Variants in MCM4 observed in about 807,000 individuals in gnomAD.
MCM4 encodes the protein DNA replication licensing factor MCM4.
In MCM4, 60 loss-of-function variants were observed where a neutral mutation model predicts 88.7. The ratio of observed to expected loss-of-function variants is 0.68; its 90% CI spans 0.55 to 0.84. MCM4 has a LOEUF of 0.84. Among genes scored for constraint, MCM4 ranks in the 40% least tolerant of loss-of-function variants. The probability of loss-of-function intolerance (pLI) is 0.00; values close to 1 mark genes in which losing one functional copy is unlikely to be tolerated. For synonymous variants in MCM4, 465 were observed against 410.5 expected, an observed-to-expected ratio of 1.13 and a Z score of -1.61; for missense variants, 1,149 against 1,105.5, an observed-to-expected ratio of 1.04 and a Z score of -0.56.
rs375753142 is a variant in MCM4 at position 47,970,860 on chromosome 8, C to T, written c.1784C>T (p.Thr595Ile). The T allele has an allele frequency of 1.1e-5, 17 of 1,597,098 alleles. No individual in the cohort carries two copies. The highest frequency in any genetic ancestry group is 1.5e-5 in the Non-Finnish European group (17 of 1,168,018). ...SVLHEVMEQQ[T>I]LSIAKAGIIC... is the part of the protein sequence containing the mutation. ...TTGCATGAAGTCATGGAACAGCAGA[C>T]TCTGTCCATTGCAAAGGTGAGTCGC... The change falls in exon 12 of 17, where the codon ACT (threonine) becomes ATT (isoleucine). Residue 595 changes from threonine to isoleucine, a missense_variant. Physicochemically the swap from Thr to Ile is moderately conservative, Grantham distance 89. Coordinates refer to ENST00000649973, the MANE Select transcript of MCM4 (RefSeq NM_182746.3).
At chr8:47,964,214 A>C (rs1408511683) in intron 7 of MCM4, among the ~76,000 whole-genome samples, 1 of 152,120 alleles carries the variant, frequency 6.6e-6, no homozygotes, top group Non-Finnish European at 1.5e-5. Context: ...CAAGAGTGAA[A>C]CTCTGCCTCA....
rs756397996 is a variant in MCM4, at chr8:47,975,732, C to A, written c.2383C>A (p.Arg795Ser). ...ILTTGMSATS[R>S]KRKEELAEAL... ...TAAATCAGGGATGAGTGCCACCTCT[C>A]GTAAACGGAAAGAAGAATTAGCTGA... Residue 795 changes from arginine to serine, a missense_variant, in exon 16 of 17, where the codon CGT becomes AGT. This residue lies in a region of MCM4 where 238 missense variants were observed against 241.6 expected (regional missense o/e 0.99). Coordinates refer to ENST00000649973, the MANE Select transcript of MCM4 (RefSeq NM_182746.3). 1.9e-6 allele frequency: 3 copies of A among 1,570,820 alleles called. No individual in the cohort carries two copies. The highest frequency in any genetic ancestry group is 2.6e-6 in the Non-Finnish European group (3 of 1,165,224).
At position 47,974,767 on chromosome 8, in the gene MCM4, C is replaced by G. The variant is rs201708189; in HGVS notation, c.2170C>G (p.Arg724Gly). 1 of 1,614,132 alleles carries G rather than the reference C, an allele frequency of 6.2e-7. No individual in the cohort carries two copies. Among genetic ancestry groups the G allele is most frequent in the East Asian group, 2.2e-5 (1 of 44,888 alleles). Reference protein sequence around the residue: ...YVDMRKIGSSRGMVSAYPRQL... With the variant: ...YVDMRKIGSSGGMVSAYPRQL... ...AGACATGAGGAAGATTGGCAGTAGC[C>G]GGGGAATGGTTTCTGCATACCCTCG... Residue 724 changes from arginine to glycine, a missense_variant, in exon 15 of 17, where the codon CGG becomes GGG. Physicochemically the swap from Arg to Gly is moderately radical, Grantham distance 125. Coordinates refer to ENST00000649973, the MANE Select transcript of MCM4 (RefSeq NM_182746.3).
intron 9 of MCM4, among the ~76,000 whole-genome samples, chr8:47,966,724 A>G (rs979213832): frequency 4.6e-5 from 7 of 152,188 alleles, no homozygotes; most frequent in Non-Finnish European, 1.0e-4. Flanking sequence ...TCCATTGGTA[A>G]AGGATTGAGG....
At chr8:47,975,878 TAGAG>T (rs774132187) in intron 16 of MCM4, 30 bp downstream of exon 16, 94 of 1,428,014 alleles carry the variant, frequency 6.6e-5, no homozygotes, top group Non-Finnish European at 8.6e-5. Context: ...TTTTGTTTGA[TAGAG>T]CTTTCTCTTT....
In MCM4 at chr8:47,967,245, A is replaced by G. The variant is rs767966913; in HGVS notation, c.1054-120A>G. ...AAGGAAATAATGAGAAACATGGACA[A>G]TCATTTATGTGGGGATATGCACTGC... On this transcript the variant is annotated intron_variant, in intron 9 of 16. Transcript: ENST00000649973. 447 of 1,050,404 alleles carry G rather than the reference A, an allele frequency of 4.3e-4. 1 individual carries two copies. Among genetic ancestry groups the G allele is most frequent in the Non-Finnish European group, 5.3e-4 (396 of 741,514 alleles). 65.1% of individuals were successfully genotyped at this position (1,050,404 alleles called of 1,614,324 possible).
In MCM4 at chr8:47,967,425, C is replaced by T; in HGVS notation, c.1114C>T (p.Leu372=). ...AGGGCAGACACCACACACAGTTATCCTGTTTGCTCACAATGATCTCGTTGA... is the reference window on the plus strand; with the variant it reads ...AGGGCAGACACCACACACAGTTATCTTGTTTGCTCACAATGATCTCGTTGA... The part of the protein sequence containing the change: ...PAGQTPHTVI[L]FAHNDLVDKV... The change falls in exon 10 of 17, where the codon CTG becomes TTG. Residue 372 remains leucine (L), a synonymous_variant. Coordinates refer to ENST00000649973, the MANE Select transcript of MCM4 (RefSeq NM_182746.3). 1 of 1,614,206 alleles carries T rather than the reference C, an allele frequency of 6.2e-7. No individual in the cohort carries two copies. Among genetic ancestry groups the T allele is most frequent in the Non-Finnish European group, 8.5e-7 (1 of 1,180,020 alleles).
intron 14 of MCM4, 142 bp from the exon 15 acceptor site, chr8:47,974,592 A>G (rs1262360350): frequency 1.4e-6 from 1 of 692,734 alleles, no homozygotes; most frequent in Non-Finnish European, 2.6e-6. Context: ...TGTAGTCTCT[A>G]CCACTTGATG....
At chr8:47,963,359 C>T (rs1439042207) in intron 7 of MCM4, among the ~76,000 whole-genome samples, 1 of 152,060 alleles carries the variant, frequency 6.6e-6, no homozygotes, top group Non-Finnish European at 1.5e-5. Context: ...GAGTCTGAAG[C>T]GATAGAATCA....
chr8:47,961,213 G>C lies in MCM4; in HGVS notation c.69G>C (p.Thr23=), dbSNP rs1416505756. The C allele has an allele frequency of 1.3e-6, 2 of 1,513,004 alleles. No homozygotes were observed. Among genetic ancestry groups the C allele is most frequent in the Non-Finnish European group, 1.8e-6 (2 of 1,138,664 alleles). The allele number at this position is 1,513,004 out of a possible 1,614,324, so 93.7% of individuals were successfully genotyped here. A position where few individuals can be genotyped will look rare whatever the true frequency, so the allele number is the denominator to read the frequency against. Residue 23 remains threonine, a splice_region_variant and synonymous_variant, in exon 2 of 17, where the codon ACG becomes ACC. Transcript: ENST00000649973. ...SRRGRATPAQ[T]PRSEDARSSP... is the part of the protein sequence containing the mutation. ...GTGGAAGGGCCACCCCCGCCCAGAC[G>C]CGTGAGTCCCCCGAGCCGGGCCCAC...
intron 2 of MCM4, 107 bp downstream of exon 2, chr8:47,961,321 T>C (rs1028561229): frequency 1.1e-5 from 16 of 1,444,514 alleles, no homozygotes; most frequent in Non-Finnish European, 1.4e-5. Context: ...GCGCTCAGCC[T>C]CGGGCTGGGC....
In MCM4 at chr8:47,969,928, A is replaced by T. The variant is rs1412310838; in HGVS notation, c.1305A>T (p.Glu435Asp). 1 of 1,614,266 alleles carries T rather than the reference A, an allele frequency of 6.2e-7. No individual in the cohort carries two copies. Among genetic ancestry groups the T allele is most frequent in the South Asian group, 1.1e-5 (1 of 91,088 alleles). Residue 435 changes from glutamate (E) to aspartate (D), a missense_variant, in exon 11 of 17, where the codon GAA becomes GAT. This residue lies in a region of MCM4 where 906 missense variants were observed against 843.0 expected (regional missense o/e 1.07). Coordinates refer to ENST00000649973, the MANE Select transcript of MCM4 (RefSeq NM_182746.3). ...AACGTCTGCATGGCCTTGATGAAGA[A>T]GCAGAACAGAAACTTTTTTCAGAGA... ...DAKRLHGLDE[E>D]AEQKLFSEKR... is the part of the protein sequence containing the mutation.
chr8:47,962,836 C>T lies in MCM4; in HGVS notation c.574C>T (p.Leu192=). ...ENVGIDITEP[L]YMQRLGEINV... Reference sequence around the variant, plus strand: ...TGTTGGCATAGATATTACTGAACCTCTATACATGCAACGACTTGGGGAGGT... The same window carrying T: ...TGTTGGCATAGATATTACTGAACCTTTATACATGCAACGACTTGGGGAGGT... Residue 192 remains leucine, a synonymous_variant, in exon 6 of 17, where the codon CTA becomes TTA. Transcript: ENST00000649973. 6.2e-7 allele frequency: 1 copy of T among 1,607,862 alleles called. No homozygotes were observed. The highest frequency in any genetic ancestry group is 8.5e-7 in the Non-Finnish European group (1 of 1,178,196).
Position 47,966,278 on chromosome 8 carries a change from G to A in MCM4, c.924G>A (p.Val308=), listed in dbSNP as rs771947838. 1.9e-6 allele frequency: 3 copies of A among 1,614,086 alleles called. No individual in the cohort carries two copies. Among genetic ancestry groups the A allele is most frequent in the African/African-American group, 1.3e-5 (1 of 75,044 alleles). The change falls in exon 9 of 17, where the codon GTG becomes GTA. Residue 308 remains valine (V), a synonymous_variant. Transcript: ENST00000649973. ...EMQEAFFQCQ[V]CAHTTRVEMD... ...AGGAGGCCTTCTTCCAGTGCCAAGT[G>A]TGTGCCCACACGACCCGGGTGGAGA...
At chr8:47,964,451 C>G (rs975453975) in intron 7 of MCM4, 123 bp from the exon 8 acceptor site, 22 of 648,372 alleles carry the variant, frequency 3.4e-5, no homozygotes, top group Middle Eastern at 4.2e-4. Flanking sequence ...GTGCATGATT[C>G]TGTAGGGTAA....
chr8:47,969,301 C>T (rs2090929254), intron 10 of MCM4: 1 of 155,398 alleles, frequency 6.4e-6, no homozygotes, highest in African/African-American at 2.4e-5. Context: ...TCTCGTCACC[C>T]AGGCTGGAGT....
At chr8:47,970,456 C>G in intron 11 of MCM4, 55 bp from the exon 12 acceptor site, 1 of 1,527,450 alleles carries the variant, frequency 6.5e-7, no homozygotes, top group Non-Finnish European at 8.8e-7. Context: ...GTTTAAACTA[C>G]ATCTCAGTTA....
intron 13 of MCM4, 100 bp from the exon 14 acceptor site, chr8:47,972,757 G>T (rs756390850): frequency 6.1e-6 from 5 of 822,668 alleles, no homozygotes; most frequent in African/African-American, 1.7e-5. Flanking sequence ...AGGTTTCACC[G>T]TGTTGGCCAG....
rs759310112 is a variant in MCM4 at position 47,969,800 on chromosome 8, A to G, written c.1177A>G (p.Ile393Val). 1.4e-5 allele frequency: 22 copies of G among 1,613,734 alleles called. No individual in the cohort carries two copies. Among genetic ancestry groups the G allele is most frequent in the Admixed American group, 5.0e-5 (3 of 60,008 alleles). Reference protein sequence around the residue: ...QPGDRVNVTGIYRAVPIRVNP... With the variant: ...QPGDRVNVTGVYRAVPIRVNP... The stretch of plus-strand genomic sequence containing the variant: ...GCATCTCCTGGTTGTGCCCTCAGGC[A>G]TCTATCGAGCTGTGCCTATTCGAGT... The change falls in exon 11 of 17, where the codon ATC (isoleucine) becomes GTC (valine). Residue 393 changes from isoleucine (I) to valine (V), a missense_variant and splice_region_variant. Transcript: ENST00000649973.
Sources: allele counts gnomAD v4.1 joint callset (sites outside exome capture counted in the v4.1 genomes callset), GRCh38; gene constraint gnomAD v4.1.1; regional missense constraint gnomAD v4.1.1; transcripts MANE v1.5; gene names NCBI Gene and HGNC (gene_info 2026-07-23, HGNC 2026-07-21).